The following PCDH15 variants were observed in gnomAD, a reference collection of about 807,000 sequenced individuals.
PCDH15 encodes protocadherin-15.
A neutral mutation model predicts 178.5 loss-of-function variants in PCDH15; 129 were observed. That is an observed-to-expected ratio of 0.72 (90% CI 0.63 to 0.84). The LOEUF (loss-of-function observed/expected upper bound fraction) is 0.84. Ranked by LOEUF, PCDH15 falls within the 40% of genes least tolerant of loss-of-function variation. The probability of loss-of-function intolerance (pLI) is 0.00; values close to 1 mark genes in which losing one functional copy is unlikely to be tolerated. For synonymous variants in PCDH15, 800 were observed against 732.0 expected, an observed-to-expected ratio of 1.09 and a Z score of -1.50; for missense variants, 2,230 against 2,099.9, an observed-to-expected ratio of 1.06 and a Z score of -1.21.
chr10:53,891,612 A>G (rs1403717606), intron 26 of PCDH15, among the ~76,000 whole-genome samples: 5 of 152,132 alleles, frequency 3.3e-5, no homozygotes, highest in Non-Finnish European at 5.9e-5. Flanking sequence ...ATCATGTCCA[A>G]TGGCTCTTCA....
intron 3 of PCDH15, among the ~76,000 whole-genome samples, chr10:54,871,935 T>A (rs1388113544): frequency 1.3e-5 from 2 of 152,088 alleles, no homozygotes; most frequent in Non-Finnish European, 2.9e-5. Flanking sequence ...AAGGATGAGA[T>A]GATAATTTAT....
intron 1 of PCDH15, among the ~76,000 whole-genome samples, chr10:55,216,050 T>C (rs779569848): frequency 6.6e-6 from 1 of 151,900 alleles, no homozygotes; most frequent in Non-Finnish European, 1.5e-5. Context: ...TAGGGCAAAT[T>C]AATGAATTTA....
intron 2 of PCDH15, among the ~76,000 whole-genome samples, chr10:55,372,651 A>T (rs1023061672): frequency 2.6e-5 from 4 of 152,132 alleles, no homozygotes; most frequent in African/African-American, 9.7e-5. Flanking sequence ...GGCAAAGCCA[A>T]ACTTAAGCCA....
chr10:55,105,271 C>T (rs1014216120), intron 2 of PCDH15, among the ~76,000 whole-genome samples: 2 of 151,986 alleles, frequency 1.3e-5, no homozygotes, highest in Non-Finnish European at 2.9e-5. Flanking sequence ...AAATATTTCT[C>T]ATATATGTGA....
chr10:55,195,129 T>C (rs1840051343), intron 1 of PCDH15, among the ~76,000 whole-genome samples: 1 of 151,538 alleles, frequency 6.6e-6, no homozygotes. Flanking sequence ...GTTCGAGCTA[T>C]TCACCTGCCT....
rs577318272 is a variant in PCDH15, at chr10:54,332,241, TA to T, written c.595-2536del. Among the ~76,000 whole-genome samples the T allele has an allele frequency of 5.9e-4, 65 of 109,930 alleles. No individual in the cohort carries two copies. The South Asian group carries it at 9.1e-3, about 15-fold the overall frequency. The allele number at this position is 109,930 out of a possible 152,430, so 72.1% of individuals were successfully genotyped here. A position where few individuals can be genotyped will look rare whatever the true frequency, so the allele number is the denominator to read the frequency against. ...AATTTAGTTTTTTACATATATATAA[TA>T]TATATATAATCTATATTATATATTA... On this transcript the variant is annotated intron_variant, in intron 6 of 37. Transcript: ENST00000644397.
chr10:53,921,519 T>C (rs2083995601), intron 25 of PCDH15, among the ~76,000 whole-genome samples: 1 of 152,134 alleles, frequency 6.6e-6, no homozygotes, highest in Non-Finnish European at 1.5e-5. Context: ...ACTATTGTAC[T>C]CTTCACTTCA....
intron 2 of PCDH15, among the ~76,000 whole-genome samples, chr10:54,946,917 T>A (rs554711481): frequency 6.6e-6 from 1 of 151,920 alleles, no homozygotes; most frequent in African/African-American, 2.4e-5. Context: ...GAGAACTTCA[T>A]CTGCTGTGTA....
At chr10:54,970,769 T>C (rs1282090428) in intron 2 of PCDH15, among the ~76,000 whole-genome samples, 3 of 152,174 alleles carry the variant, frequency 2.0e-5, no homozygotes, top group Non-Finnish European at 4.4e-5. Context: ...GTTAGTAACT[T>C]AGTCACTCTG....
At chr10:55,417,448 C>T (rs1230780198) in intron 2 of PCDH15, among the ~76,000 whole-genome samples, 1 of 151,500 alleles carries the variant, frequency 6.6e-6, no homozygotes, top group Admixed American at 6.6e-5. Flanking sequence ...ATATAAAGCA[C>T]AAATAATTGC....
chr10:55,332,734 T>A (rs147386201), intron 2 of PCDH15, among the ~76,000 whole-genome samples: 1 of 152,298 alleles, frequency 6.6e-6, no homozygotes, highest in Non-Finnish European at 1.5e-5. Context: ...TCAAAAGATC[T>A]GATGGTTTTA....
intron 1 of PCDH15, among the ~76,000 whole-genome samples, chr10:55,287,093 A>G (rs970279224): frequency 4.6e-5 from 7 of 152,012 alleles, no homozygotes; most frequent in African/African-American, 1.7e-4. Context: ...GCTATTGATT[A>G]CAATATCTTA....
chr10:54,849,942 C>T (rs1953585655), intron 3 of PCDH15, among the ~76,000 whole-genome samples: 1 of 151,974 alleles, frequency 6.6e-6, no homozygotes, highest in Non-Finnish European at 1.5e-5. Context: ...ATATCATGAC[C>T]TGATCTGTGT....
At chr10:55,546,162 CA>C (rs1372536999) in intron 2 of PCDH15, among the ~76,000 whole-genome samples, 1 of 152,038 alleles carries the variant, frequency 6.6e-6, no homozygotes, top group Non-Finnish European at 1.5e-5. Flanking sequence ...ATAGAAACAA[CA>C]CTGGTTTTGA....
intron 2 of PCDH15, among the ~76,000 whole-genome samples, chr10:54,586,943 G>A (rs4007216): frequency 1.3e-5 from 2 of 152,262 alleles, no homozygotes; most frequent in South Asian, 4.1e-4. Flanking sequence ...CTGTTATTTC[G>A]CAAACACAGA....
chr10:54,921,664 C>T (rs1837491202), intron 2 of PCDH15, among the ~76,000 whole-genome samples: 1 of 152,172 alleles, frequency 6.6e-6, no homozygotes, highest in African/African-American at 2.4e-5. Context: ...GACTTGATCT[C>T]ACTCTTTTTA....
intron 26 of PCDH15, among the ~76,000 whole-genome samples, chr10:53,900,278 A>G (rs1177950284): frequency 2.2e-5 from 3 of 135,004 alleles, no homozygotes; most frequent in African/African-American, 8.5e-5. Flanking sequence ...TTCTCTCACT[A>G]TTGTATAAAG....
chr10:55,231,192 A>T (rs1277730777), intron 1 of PCDH15, among the ~76,000 whole-genome samples: 1 of 152,006 alleles, frequency 6.6e-6, no homozygotes, highest in Non-Finnish European at 1.5e-5. Flanking sequence ...GTCGCAAGCA[A>T]CAAAAATTGA....
At chr10:54,012,029 G>A (rs1017358192) in intron 20 of PCDH15, among the ~76,000 whole-genome samples, 1 of 152,094 alleles carries the variant, frequency 6.6e-6, no homozygotes, top group Non-Finnish European at 1.5e-5. Context: ...CCAAACCAAG[G>A]AAACTAAGGA....
Sources: allele counts gnomAD v4.1 joint callset (sites outside exome capture counted in the v4.1 genomes callset), GRCh38; gene constraint gnomAD v4.1.1; transcripts MANE v1.5; gene names NCBI Gene and HGNC (gene_info 2026-07-23, HGNC 2026-07-21).